The following APLF variants were observed in gnomAD, a reference collection of about 807,000 sequenced individuals.
The protein encoded by APLF is aprataxin and PNK-like factor.
APLF carries 61 observed loss-of-function variants against 55.6 expected under a neutral mutation model. The ratio of observed to expected loss-of-function variants is 1.10; its 90% CI spans 0.89 to 1.36. The LOEUF is 1.36. Among genes scored for constraint, APLF ranks in the 40% most tolerant of loss-of-function variants. The pLI is 0.00. For missense variants in APLF, 611 were observed against 602.5 expected (o/e 1.01, Z -0.15); for synonymous variants, 207 against 214.8 (o/e 0.96, Z 0.32).
intron 9 of APLF, among the ~76,000 whole-genome samples, chr2:68,577,111 A>G (rs1350781514): frequency 6.6e-6 from 1 of 152,204 alleles, no homozygotes; most frequent in Non-Finnish European, 1.5e-5. Flanking sequence ...CATGAACTGT[A>G]AGAATATCTT....
intron 8 of APLF, among the ~76,000 whole-genome samples, chr2:68,553,059 C>G (rs1359000549): frequency 6.6e-6 from 1 of 152,062 alleles, no homozygotes; most frequent in African/African-American, 2.4e-5. Context: ...GACCCCAAAG[C>G]TGGTGAGATA....
chr2:68,573,952 G>A (rs1430933919), intron 9 of APLF, among the ~76,000 whole-genome samples: 1 of 151,948 alleles, frequency 6.6e-6, no homozygotes, highest in Admixed American at 6.6e-5. Flanking sequence ...ACAACTTCAG[G>A]TTCTCATAGA....
intron 9 of APLF, among the ~76,000 whole-genome samples, chr2:68,572,837 TCAACA>T (rs1393568727): frequency 1.3e-5 from 2 of 149,608 alleles, no homozygotes; most frequent in Non-Finnish European, 3.0e-5. Flanking sequence ...ACACTCTGTC[TCAACA>T]AAACAAAACA....
At chr2:68,504,089 A>G (rs1015653832) in intron 3 of APLF, among the ~76,000 whole-genome samples, 19 of 152,132 alleles carry the variant, frequency 1.2e-4, no homozygotes, top group African/African-American at 4.3e-4. Context: ...TGGCAGTTAA[A>G]ATGAATGGGT....
At chr2:68,513,043 TTTAAAA>T in intron 3 of APLF, 31 bp from the exon 4 acceptor site, 1 of 1,561,526 alleles carries the variant, frequency 6.4e-7, no homozygotes, top group Non-Finnish European at 8.7e-7. Flanking sequence ...GTGTGTTAAA[TTTAAAA>T]TTAAAGACCA....
At chr2:68,554,755 G>C (rs918267912) in intron 8 of APLF, among the ~76,000 whole-genome samples, 2 of 151,796 alleles carry the variant, frequency 1.3e-5, no homozygotes, top group Non-Finnish European at 2.9e-5. Flanking sequence ...TTTGTATCCG[G>C]AAACTTTGGT....
chr2:68,529,292 T>G lies in APLF; in HGVS notation c.804+3050T>G, dbSNP rs1319616127. 1.5e-6 allele frequency: 2 copies of G among 1,357,904 alleles called. No homozygotes were observed. The highest frequency in any genetic ancestry group is 1.9e-6 in the Non-Finnish European group (2 of 1,043,330). The allele number at this position is 1,357,904 out of a possible 1,614,324, so 84.1% of individuals were successfully genotyped here. On this transcript the variant is annotated intron_variant, in intron 6 of 9. Coordinates refer to ENST00000303795, the MANE Select transcript of APLF (RefSeq NM_173545.3). This position sits in a 1 kb window ranked among gnomAD's most constrained non-coding sequence, Gnocchi z 4.4. ...AGAAGGCCCAAGATGTCGCTGACGG[T>G]TGAAGAGGAGTGGGAAACAGCCAAA...
At chr2:68,525,742 CTTTTT>C (rs386390398) in intron 5 of APLF, among the ~76,000 whole-genome samples, 18 of 82,032 alleles carry the variant, frequency 2.2e-4, no homozygotes, top group African/African-American at 7.4e-4. Context: ...TTCTTTCTTT[CTTTTT>C]TTTTTTTTTT....
At chr2:68,481,110 A>G (rs1464105683) in intron 1 of APLF, among the ~76,000 whole-genome samples, 1 of 152,164 alleles carries the variant, frequency 6.6e-6, no homozygotes, top group Admixed American at 6.5e-5. Context: ...TTTTGGTTTC[A>G]GGGTAATACT....
At chr2:68,484,001 G>A (rs1285291192) in intron 1 of APLF, among the ~76,000 whole-genome samples, 1 of 152,090 alleles carries the variant, frequency 6.6e-6, no homozygotes, top group East Asian at 1.9e-4. Flanking sequence ...TAGCTTTTCT[G>A]CTTTTACTTT....
chr2:68,529,468 G>A lies in APLF; in HGVS notation c.804+3226G>A, dbSNP rs1670182686. 8.9e-7 allele frequency: 1 copy of A among 1,123,812 alleles called. No homozygotes were observed. Among genetic ancestry groups the A allele is most frequent in the Non-Finnish European group, 1.1e-6 (1 of 916,252 alleles). The allele number at this position is 1,123,812 out of a possible 1,614,324, so 69.6% of individuals were successfully genotyped here. A position where few individuals can be genotyped will look rare whatever the true frequency, so the allele number is the denominator to read the frequency against. ...ATACGCTTAGTGAGTTGTCCATTTT[G>A]AGCGAGTTGTGCACAGACGAAACTA... is the stretch of plus-strand genomic sequence containing the variant. On this transcript the variant is annotated intron_variant, in intron 6 of 9. Transcript: ENST00000303795. The surrounding 1 kb of genome is among the most constrained non-coding windows in gnomAD (Gnocchi z 4.4).
rs1202980301 is a variant in APLF at position 68,526,100 on chromosome 2, A to C, written c.662A>C (p.Lys221Thr). 2 of 1,613,612 alleles carry C rather than the reference A, an allele frequency of 1.2e-6. No individual in the cohort carries two copies. The highest frequency in any genetic ancestry group is 1.7e-6 in the Non-Finnish European group (2 of 1,179,936). The change falls in exon 6 of 10, where the codon AAA becomes ACA. Residue 221 changes from lysine (K) to threonine (T), a missense_variant. Coordinates refer to ENST00000303795, the MANE Select transcript of APLF (RefSeq NM_173545.3). ...IQGSGKEEIC[K>T]DKSQLNTTQQ... The stretch of plus-strand genomic sequence containing the variant: ...GGAAGTGGAAAAGAAGAAATCTGCA[A>C]AGATAAATCCCAGCTAAACACAACC...
chr2:68,514,668 A>G (rs1669528379), intron 5 of APLF, among the ~76,000 whole-genome samples: 2 of 151,620 alleles, frequency 1.3e-5, no homozygotes, highest in Admixed American at 1.3e-4. Context: ...GGATTTTATC[A>G]CTCACCTCTG....
At chr2:68,469,188 C>G (rs1675539257) in intron 1 of APLF, among the ~76,000 whole-genome samples, 1 of 152,006 alleles carries the variant, frequency 6.6e-6, no homozygotes, top group Non-Finnish European at 1.5e-5. Flanking sequence ...CTGGAAGGAA[C>G]TGTCTGGAGG....
In APLF at chr2:68,525,742, C is replaced by CTTTTTTTTTTTTTTTTTTTTTTT. The variant is rs386390398; in HGVS notation, c.623-316_623-294dup. Among the ~76,000 whole-genome samples, 13 of 82,036 alleles carry CTTTTTTTTTTTTTTTTTTTTTTT rather than the reference C, an allele frequency of 1.6e-4. 1 individual carries two copies. Among genetic ancestry groups the CTTTTTTTTTTTTTTTTTTTTTTT allele is most frequent in the African/African-American group, 7.4e-4 (12 of 16,182 alleles). 53.8% of individuals were successfully genotyped at this position (82,036 alleles called of 152,430 possible). A position where few individuals can be genotyped will look rare whatever the true frequency, so the allele number is the denominator to read the frequency against. On this transcript the variant is annotated intron_variant, in intron 5 of 9. Transcript: ENST00000303795. ...TTTATCCTTTTTATTTTCTTTCTTT[C>CTTTTTTTTTTTTTTTTTTTTTTT]TTTTTTTTTTTTTTTTTTTTTTTTT... is the stretch of plus-strand genomic sequence containing the variant.
chr2:68,528,228 C>T, intron 6 of APLF: 1 of 1,151,328 alleles, frequency 8.7e-7, no homozygotes, highest in East Asian at 2.6e-5. Context: ...AGGCGTGGGC[C>T]ACCATGCCTG....
intron 6 of APLF, among the ~76,000 whole-genome samples, chr2:68,532,412 T>C (rs1039914485): frequency 6.6e-6 from 1 of 152,192 alleles, no homozygotes; most frequent in African/African-American, 2.4e-5. Context: ...TCATTTGGTG[T>C]GTGGAGCCTG....
chr2:68,498,686 G>A lies in APLF; in HGVS notation c.169-4045G>A, dbSNP rs566982092. Reference sequence around the variant, plus strand: ...AGAAAAGACATTACAAAGGCAAACTGATGATGATGTTCTTTGTAAATGACT... The same window carrying A: ...AGAAAAGACATTACAAAGGCAAACTAATGATGATGTTCTTTGTAAATGACT... On this transcript the variant is annotated intron_variant, in intron 2 of 9. Coordinates refer to ENST00000303795, the MANE Select transcript of APLF (RefSeq NM_173545.3). 2.0e-5 allele frequency among the ~76,000 whole-genome samples: 3 copies of A among 152,326 alleles called. No individual in the cohort carries two copies. In the South Asian group the frequency reaches 6.2e-4, roughly 32 times the overall value.
intron 9 of APLF, among the ~76,000 whole-genome samples, chr2:68,573,779 C>A (rs1304757155): frequency 6.6e-6 from 1 of 151,838 alleles, no homozygotes; most frequent in Admixed American, 6.6e-5. Flanking sequence ...TGGTCTAGTC[C>A]TCTTTCTCTT....
Sources: allele counts gnomAD v4.1 joint callset (sites outside exome capture counted in the v4.1 genomes callset), GRCh38; gene constraint gnomAD v4.1.1; non-coding constraint Gnocchi (gnomAD v3.1); transcripts MANE v1.5; gene names NCBI Gene and HGNC (gene_info 2026-07-23, HGNC 2026-07-21).